Variants in RARB observed in about 807,000 individuals in gnomAD.
RARB encodes HBV-activated protein.
Under a neutral mutation model 51.9 loss-of-function variants are expected in RARB, and 17 were observed. The ratio of observed to expected loss-of-function variants is 0.33; its 90% confidence interval spans 0.22 to 0.49. The LOEUF (loss-of-function observed/expected upper bound fraction) is 0.49, where lower values mean the gene tolerates loss of function less well. RARB is among the 20% of genes least tolerant of loss of function. RARB has a pLI of 0.99. For synonymous variants in RARB, 215 were observed against 195.4 expected, an observed-to-expected ratio of 1.10 and a Z score of -0.84; for missense variants, 369 against 550.8, an observed-to-expected ratio of 0.67 and a Z score of 3.30.
chr3:24,940,142 G>A (rs187611815), intron 2 of RARB, among the ~76,000 whole-genome samples: 11 of 152,256 alleles, frequency 7.2e-5, no homozygotes, highest in African/African-American at 2.4e-4. Flanking sequence ...ATCTAGACAC[G>A]TCTCCTTTAA....
upstream of RARB, among the ~76,000 whole-genome samples, chr3:25,427,963 GAGA>G (rs1290178229): frequency 6.6e-6 from 1 of 152,208 alleles, no homozygotes; most frequent in Non-Finnish European, 1.5e-5. Context: ...CGTAAAGGGA[GAGA>G]AGTTGGTGCT....
At chr3:25,501,865 G>C (rs1153583) in intron 3 of RARB, among the ~76,000 whole-genome samples, 7 of 151,994 alleles carry the variant, frequency 4.6e-5, no homozygotes, top group Admixed American at 1.3e-4. Context: ...CACTTTATTA[G>C]TGCAAAAGAT....
intron 2 of RARB, among the ~76,000 whole-genome samples, chr3:25,468,390 T>TTC (rs1046141354): frequency 6.7e-6 from 1 of 150,024 alleles, no homozygotes; most frequent in African/African-American, 2.5e-5. Flanking sequence ...TTTTTTTTTT[T>TTC]TTTTTTAACC....
At chr3:25,158,219 A>G (rs1295367517) in intron 4 of RARB, among the ~76,000 whole-genome samples, 2 of 152,200 alleles carry the variant, frequency 1.3e-5, no homozygotes, top group East Asian at 3.8e-4. Flanking sequence ...ACTGGCTACC[A>G]TAATTTTACC....
At chr3:25,108,268 T>A (rs1199364194) in intron 3 of RARB, among the ~76,000 whole-genome samples, 2 of 152,172 alleles carry the variant, frequency 1.3e-5, no homozygotes, top group Non-Finnish European at 2.9e-5. Flanking sequence ...AAAAAAATCA[T>A]GGATAAGAGG....
At chr3:25,368,843 T>TTAGA (rs1488896977) in intron 5 of RARB, among the ~76,000 whole-genome samples, 1 of 152,188 alleles carries the variant, frequency 6.6e-6, no homozygotes, top group African/African-American at 2.4e-5. Flanking sequence ...AACAGATGAT[T>TTAGA]TAGACCCGTT....
At chr3:25,059,677 C>T (rs552908326) in intron 2 of RARB, among the ~76,000 whole-genome samples, 1 of 151,728 alleles carries the variant, frequency 6.6e-6, no homozygotes, top group South Asian at 2.1e-4. Flanking sequence ...CAAGGTGATG[C>T]TGTTTACAAA....
At chr3:25,363,026 A>C (rs1705999571) in intron 5 of RARB, among the ~76,000 whole-genome samples, 1 of 152,132 alleles carries the variant, frequency 6.6e-6, no homozygotes, top group Non-Finnish European at 1.5e-5. Context: ...GAAACATGAA[A>C]GTTGAGTGGA....
chr3:25,133,524 C>T (rs73143439), intron 4 of RARB, among the ~76,000 whole-genome samples: 1,615 of 152,082 alleles, frequency 0.011, 31 homozygotes, highest in African/African-American at 0.037. Flanking sequence ...TGGTTTACTG[C>T]TTCCTTGGTT....
At chr3:25,551,310 A>G (rs1699844186) in intron 3 of RARB, among the ~76,000 whole-genome samples, 1 of 152,164 alleles carries the variant, frequency 6.6e-6, no homozygotes, top group Non-Finnish European at 1.5e-5. Flanking sequence ...GTTCATTGTC[A>G]TATATGGTAT....
At chr3:24,934,001 C>T (rs984190597) in intron 2 of RARB, among the ~76,000 whole-genome samples, 2 of 152,130 alleles carry the variant, frequency 1.3e-5, no homozygotes, top group Non-Finnish European at 2.9e-5. Flanking sequence ...AATCCTTAAT[C>T]GAACAATGTT....
rs74737285 is a variant in RARB, at chr3:24,914,945, A to G, written c.-380+56193A>G. Among the ~76,000 whole-genome samples the G allele has an allele frequency of 3.5e-4, 53 of 152,292 alleles. No individual in the cohort carries two copies. The East Asian group carries it at 9.1e-3, about 26-fold the overall frequency. On this transcript the variant is annotated intron_variant, in intron 2 of 11. Coordinates refer to the RARB transcript ENST00000383772. ...TTTGTTGTTGAGCTTCCTAAAGTGA[A>G]TATAATACCTTGACTTTGCAGGATG...
At chr3:24,921,379 C>G (rs1695213321) in intron 2 of RARB, among the ~76,000 whole-genome samples, 1 of 152,134 alleles carries the variant, frequency 6.6e-6, no homozygotes, top group Non-Finnish European at 1.5e-5. Flanking sequence ...GCACTACATG[C>G]TTCTGTTTTC....
intron 1 of RARB, among the ~76,000 whole-genome samples, chr3:24,829,586 G>T (rs924049600): frequency 6.6e-6 from 1 of 152,326 alleles, no homozygotes; most frequent in East Asian, 1.9e-4. Flanking sequence ...GGGTTGGGGG[G>T]TCTGCAGCGG....
chr3:24,877,265 T>C (rs939516383), intron 2 of RARB, among the ~76,000 whole-genome samples: 1 of 151,728 alleles, frequency 6.6e-6, no homozygotes, highest in African/African-American at 2.4e-5. Flanking sequence ...GATAAATACA[T>C]TAAACTCTGA....
intron 2 of RARB, among the ~76,000 whole-genome samples, chr3:24,912,445 C>T (rs773583585): frequency 3.9e-4 from 59 of 152,162 alleles, no homozygotes; most frequent in African/African-American, 1.1e-3. Flanking sequence ...CATTATTATT[C>T]GGTGTCCTCA....
At chr3:25,317,554 A>C (rs888269421) in intron 5 of RARB, among the ~76,000 whole-genome samples, 1 of 152,176 alleles carries the variant, frequency 6.6e-6, no homozygotes, top group Non-Finnish European at 1.5e-5. Context: ...AGTGTCAATA[A>C]CATGGGTAGT....
chr3:25,300,934 T>C (rs1307498037), intron 5 of RARB, among the ~76,000 whole-genome samples: 1 of 152,072 alleles, frequency 6.6e-6, no homozygotes, highest in Non-Finnish European at 1.5e-5. Flanking sequence ...GAAGCAGAGG[T>C]TGCAGTGAGC....
intron 2 of RARB, among the ~76,000 whole-genome samples, chr3:25,004,695 A>G (rs375048394): frequency 4.6e-5 from 7 of 152,080 alleles, no homozygotes; most frequent in Non-Finnish European, 7.4e-5. Flanking sequence ...TTAGATCCCC[A>G]TGAAACTGTT....
Sources: allele counts gnomAD v4.1 joint callset (sites outside exome capture counted in the v4.1 genomes callset), GRCh38; gene constraint gnomAD v4.1.1; transcripts MANE v1.5; gene names NCBI Gene and HGNC (gene_info 2026-07-23, HGNC 2026-07-21).